The following CELSR1 variants were observed in gnomAD, a reference collection of about 807,000 sequenced individuals.
The protein encoded by CELSR1 is adhesion G protein-coupled receptor C1.
In CELSR1, 110 loss-of-function variants were observed where a neutral mutation model predicts 249.1. The observed-to-expected ratio is 0.44, with a 90% CI of 0.38 to 0.52. CELSR1 has a LOEUF of 0.52. Among genes scored for constraint, CELSR1 ranks in the 20% least tolerant of loss-of-function variants. The pLI is 0.00. For synonymous variants in CELSR1, 2,113 were observed against 1,900.0 expected (o/e 1.11, Z -2.92); for missense variants, 4,109 against 4,296.4 (o/e 0.96, Z 1.22).
At chr22:46,425,168 G>A (rs1602117993) in intron 5 of CELSR1, among the ~76,000 whole-genome samples, 2 of 152,106 alleles carry the variant, frequency 1.3e-5, no homozygotes, top group African/African-American at 4.8e-5. Context: ...TCCCATTTGG[G>A]GATATTATGA....
At chr22:46,397,997 C>T in intron 11 of CELSR1, 149 bp from the exon 12 acceptor site, 2 of 734,090 alleles carry the variant, frequency 2.7e-6, no homozygotes, top group African/African-American at 1.8e-5. Flanking sequence ...GGTTGTTCCT[C>T]TTGCCCCACG....
chr22:46,483,385 CT>C (rs10647586), intron 1 of CELSR1, among the ~76,000 whole-genome samples: 1,478 of 81,128 alleles, frequency 0.018, 13 homozygotes, highest in African/African-American at 0.061. Context: ...CTATTCCTGA[CT>C]TTTTTTTTTT....
rs1442845504 is a variant in CELSR1 at position 46,484,373 on chromosome 22, T to C, written c.3545-20028A>G. Among the ~76,000 whole-genome samples, 2 of 152,010 alleles carry C rather than the reference T, an allele frequency of 1.3e-5. No individual in the cohort carries two copies. The highest frequency in any genetic ancestry group is 4.8e-5 in the African/African-American group (2 of 41,410). ...CCTCGGGCCCAGCCCTCCTCAGAAA[T>C]GCAGGCTGCAGCATCTGCCAGGAAC... is the stretch of plus-strand genomic sequence containing the variant. On this transcript the variant is annotated intron_variant, in intron 1 of 34. Coordinates refer to ENST00000674500, the MANE Select transcript of CELSR1 (RefSeq NM_001378328.1). This position sits in a 1 kb window ranked among gnomAD's most constrained non-coding sequence, Gnocchi z 4.5.
chr22:46,403,345 G>A (rs961053370), intron 9 of CELSR1, among the ~76,000 whole-genome samples: 4 of 150,482 alleles, frequency 2.7e-5, no homozygotes, highest in Admixed American at 2.0e-4. Context: ...TCAGGAGATC[G>A]AGGCCATCCT....
chr22:46,443,630 T>C (rs2147490070), intron 2 of CELSR1, among the ~76,000 whole-genome samples: 1 of 152,132 alleles, frequency 6.6e-6, no homozygotes, highest in South Asian at 2.1e-4. Flanking sequence ...TGCACTCAAT[T>C]TCCCGTCTAC....
In CELSR1 at chr22:46,446,868, G is replaced by C. The variant is rs562450115; in HGVS notation, c.4184-7457C>G. ...GAGAACCAAGAGCAACTGGGTTCTG[G>C]ATGAACTGGACCAGCCGGGGAAGGT... On this transcript the variant is annotated intron_variant, in intron 2 of 34. Coordinates refer to ENST00000674500, the MANE Select transcript of CELSR1 (RefSeq NM_001378328.1). This position sits in a 1 kb window ranked among gnomAD's most constrained non-coding sequence, Gnocchi z 5.5. Among the ~76,000 whole-genome samples the C allele has an allele frequency of 2.0e-5, 3 of 152,176 alleles. No individual in the cohort carries two copies. The highest frequency in any genetic ancestry group is 7.2e-5 in the African/African-American group (3 of 41,506).
At chr22:46,365,473 T>C in intron 31 of CELSR1, 93 bp from the exon 32 acceptor site, 1 of 1,565,826 alleles carries the variant, frequency 6.4e-7, no homozygotes, top group Non-Finnish European at 8.7e-7. Context: ...CCTGGCATGC[T>C]GACGCTGAGC....
chr22:46,378,730 C>T lies in CELSR1; in HGVS notation c.7257-13G>A. 6.2e-7 allele frequency: 1 copy of T among 1,610,320 alleles called. No homozygotes were observed. ...CGTCCCACCAACGCTGCGGAGAGGA[C>T]AGAGAAGGGGCAGGGGTAAGACGGT... On this transcript the variant is annotated splice_polypyrimidine_tract_variant and intron_variant, in intron 22 of 34. Transcript: ENST00000674500.
chr22:46,453,868 G>A (rs1296702998), intron 2 of CELSR1, among the ~76,000 whole-genome samples: 1 of 152,198 alleles, frequency 6.6e-6, no homozygotes, highest in East Asian at 1.9e-4. Context: ...CCGGGTGTGA[G>A]TGGTCGAGAT....
chr22:46,367,178 G>A, intron 28 of CELSR1, 60 bp from the exon 29 acceptor site: 1 of 1,577,596 alleles, frequency 6.3e-7, no homozygotes, highest in Non-Finnish European at 8.6e-7. Flanking sequence ...CTGCCCTTAG[G>A]CGCCCCAGCA....
In CELSR1 at chr22:46,372,872, T is replaced by G. The variant is rs754168958; in HGVS notation, c.7759+11A>C. 2.5e-6 allele frequency: 4 copies of G among 1,597,518 alleles called. No homozygotes were observed. The highest frequency in any genetic ancestry group is 3.4e-6 in the Non-Finnish European group (4 of 1,170,118). On this transcript the variant is annotated intron_variant, in intron 25 of 34. Coordinates refer to ENST00000674500, the MANE Select transcript of CELSR1 (RefSeq NM_001378328.1). ...TGTGGTTTTATGCAGGGCCACTCTG[T>G]GCATCCTCACCTGTGACAATGGCCG...
chr22:46,479,253 G>C (rs2080242039), intron 1 of CELSR1, among the ~76,000 whole-genome samples: 1 of 151,990 alleles, frequency 6.6e-6, no homozygotes, highest in Non-Finnish European at 1.5e-5. Flanking sequence ...ACTCAGGTCT[G>C]TCCCGACCCC....
chr22:46,362,617 T>G lies in CELSR1; in HGVS notation c.*606A>C, dbSNP rs1461338450. 6.5e-6 allele frequency: 1 copy of G among 153,222 alleles called. No individual in the cohort carries two copies. The highest frequency in any genetic ancestry group is 1.5e-5 in the Non-Finnish European group (1 of 68,536). 9.5% of individuals were successfully genotyped at this position (153,222 alleles called of 1,614,324 possible). ...TCTTGACAGAGAAGACAGCAAGAGA[T>G]CATTGCATGGATCTCTCGGGATAAC... On this transcript the variant is annotated 3_prime_UTR_variant, in exon 35 of 35. Coordinates refer to ENST00000674500, the MANE Select transcript of CELSR1 (RefSeq NM_001378328.1).
chr22:46,426,016 C>T (rs1199618633), intron 5 of CELSR1, among the ~76,000 whole-genome samples: 1 of 150,928 alleles, frequency 6.6e-6, no homozygotes, highest in Non-Finnish European at 1.5e-5. Flanking sequence ...TCTTCCCTTC[C>T]TCCCTTCTTT....
Position 46,484,796 on chromosome 22 carries a change from G to C in CELSR1, c.3545-20451C>G, listed in dbSNP as rs952113164. On this transcript the variant is annotated intron_variant, in intron 1 of 34. Transcript: ENST00000674500. This position sits in a 1 kb window ranked among gnomAD's most constrained non-coding sequence, Gnocchi z 4.5. ...TACCGAAGCCCACCTCCAGGAACAA[G>C]GATATCATCCTTGTTACTTCCAGGG... 6.8e-6 allele frequency among the ~76,000 whole-genome samples: 1 copy of C among 146,566 alleles called. No homozygotes were observed. Among genetic ancestry groups the C allele is most frequent in the Non-Finnish European group, 1.5e-5 (1 of 67,108 alleles).
rs1414074483 is a variant in CELSR1 at position 46,369,161 on chromosome 22, AG to A, written c.7952+17del. On this transcript the variant is annotated intron_variant, in intron 27 of 34. Transcript: ENST00000674500. ...GCCCAGCCGACATGGCTGGCCGGTC[AG>A]GTTCAGCCCCACTTACACGATCCCT... The A allele has an allele frequency of 5.6e-6, 9 of 1,612,438 alleles. No homozygotes were observed. In the Admixed American group the frequency reaches 1.5e-4, roughly 27 times the overall value.
At chr22:46,439,513 A>T (rs766235117) in intron 2 of CELSR1, 102 bp from the exon 3 acceptor site, 147 of 927,766 alleles carry the variant, frequency 1.6e-4, no homozygotes, top group Non-Finnish European at 2.2e-4. Context: ...CCACACAGTC[A>T]GCTGCTGAAA....
In CELSR1 at chr22:46,411,505, C is replaced by A. The variant is rs981907124; in HGVS notation, c.4769+97G>T. ...GGAATGAGGTCGCCAGGGCACTGCA[C>A]CCAGAGTGCCTACGTGGGGCCCTGC... On this transcript the variant is annotated intron_variant, in intron 6 of 34. Coordinates refer to ENST00000674500, the MANE Select transcript of CELSR1 (RefSeq NM_001378328.1). This position sits in a 1 kb window ranked among gnomAD's most constrained non-coding sequence, Gnocchi z 4.2. 179 of 1,439,172 alleles carry A rather than the reference C, an allele frequency of 1.2e-4. No homozygotes were observed. The Middle Eastern group carries it at 1.6e-3, about 13-fold the overall frequency. The allele number at this position is 1,439,172 out of a possible 1,614,324, so 89.2% of individuals were successfully genotyped here.
chr22:46,370,980 G>A (rs761398609), intron 25 of CELSR1, among the ~76,000 whole-genome samples: 3 of 152,230 alleles, frequency 2.0e-5, no homozygotes, highest in East Asian at 3.8e-4. Context: ...GACCTGCTCC[G>A]CCTGGACATC....
Sources: gnomAD v4.1 joint callset for allele counts (sites outside exome capture counted in the v4.1 genomes callset) on GRCh38, gnomAD v4.1.1 for gene constraint, Gnocchi (gnomAD v3.1) non-coding constraint, MANE v1.5 for transcripts, NCBI Gene and HGNC (gene_info 2026-07-23, HGNC 2026-07-21) for gene names.